The following NREP variants were observed in gnomAD, a reference collection of about 807,000 sequenced individuals.
The protein encoded by NREP is neuronal regeneration-related protein.
A neutral mutation model predicts 8.6 loss-of-function variants in NREP; 5 were observed. The ratio of observed to expected loss-of-function variants is 0.58; its 90% CI spans 0.30 to 1.22. NREP has a LOEUF of 1.22. Ranked by LOEUF, NREP falls within the 50% of genes most tolerant of loss-of-function variation. NREP has a pLI of 0.07. For synonymous variants in NREP, 27 were observed against 28.0 expected, an observed-to-expected ratio of 0.96 and a Z score of 0.11; for missense variants, 86 against 82.5, an observed-to-expected ratio of 1.04 and a Z score of -0.17.
chr5:111,785,057 G>C (rs1751577547), intron 2 of NREP, among the ~76,000 whole-genome samples: 1 of 152,130 alleles, frequency 6.6e-6, no homozygotes, highest in Admixed American at 6.5e-5. Context: ...TTAAAGATGT[G>C]TATGAACTGC....
At chr5:111,931,517 GCAGTCTCTGC>G (rs1383479899) in intron 2 of NREP, among the ~76,000 whole-genome samples, 1 of 152,106 alleles carries the variant, frequency 6.6e-6, no homozygotes, top group African/African-American at 2.4e-5. Flanking sequence ...TCAGATGATT[GCAGTCTCTGC>G]CTACATTCTG....
At chr5:111,802,919 G>T in intron 2 of NREP, among the ~76,000 whole-genome samples, 1 of 152,264 alleles carries the variant, frequency 6.6e-6, no homozygotes, top group Admixed American at 6.5e-5. Flanking sequence ...GAAGCTGAAA[G>T]AGCAGAAGCA....
At chr5:111,835,741 T>C (rs371887424) in intron 2 of NREP, among the ~76,000 whole-genome samples, 31 of 152,202 alleles carry the variant, frequency 2.0e-4, no homozygotes, top group African/African-American at 7.5e-4. Flanking sequence ...CTTCAGGCTT[T>C]TGAGCCTGTT....
chr5:111,936,223 G>C (rs994998140), intron 2 of NREP, among the ~76,000 whole-genome samples: 1 of 152,000 alleles, frequency 6.6e-6, no homozygotes, highest in Non-Finnish European at 1.5e-5. Flanking sequence ...TTGTGTTGAG[G>C]GAGAGACCTG....
chr5:111,930,835 G>A (rs1755516946), intron 2 of NREP, among the ~76,000 whole-genome samples: 1 of 152,140 alleles, frequency 6.6e-6, no homozygotes, highest in South Asian at 2.1e-4. Flanking sequence ...TGTGGTCAAG[G>A]AGTTAAGACA....
At chr5:111,926,882 C>T (rs1418527261) in intron 2 of NREP, among the ~76,000 whole-genome samples, 2 of 151,164 alleles carry the variant, frequency 1.3e-5, no homozygotes, top group Non-Finnish European at 3.0e-5. Context: ...TCTGCCTGAC[C>T]CACTCCTCTA....
At chr5:111,734,106 C>A (rs999904815) in intron 3 of NREP, 1 of 152,268 alleles carries the variant, frequency 6.6e-6, no homozygotes, top group African/African-American at 2.4e-5. Context: ...CACAGCAGGG[C>A]TGGCTTTCTA....
intron 2 of NREP, among the ~76,000 whole-genome samples, chr5:111,799,727 C>G (rs1273494007): frequency 1.3e-5 from 2 of 152,146 alleles, no homozygotes; most frequent in Non-Finnish European, 2.9e-5. Context: ...TAGTTACTTA[C>G]TTATGCGTAC....
chr5:111,882,600 A>T (rs1284186069), intron 2 of NREP, among the ~76,000 whole-genome samples: 1 of 152,244 alleles, frequency 6.6e-6, no homozygotes, highest in East Asian at 1.9e-4. Context: ...GTTACCCACA[A>T]AGGGAAGCCC....
At chr5:111,864,168 G>C (rs1014773587) in intron 2 of NREP, among the ~76,000 whole-genome samples, 3 of 152,122 alleles carry the variant, frequency 2.0e-5, no homozygotes, top group Non-Finnish European at 4.4e-5. Flanking sequence ...ACTGCACCAT[G>C]TTTTGTAAGC....
intron 2 of NREP, among the ~76,000 whole-genome samples, chr5:111,851,494 A>G (rs1055853979): frequency 6.6e-6 from 1 of 152,166 alleles, no homozygotes; most frequent in Admixed American, 6.6e-5. Flanking sequence ...AGAAAGAGAG[A>G]GAGAGACAGA....
At chr5:111,830,115 C>CT (rs1367695197) in intron 2 of NREP, among the ~76,000 whole-genome samples, 1 of 152,134 alleles carries the variant, frequency 6.6e-6, no homozygotes, top group Non-Finnish European at 1.5e-5. Flanking sequence ...CCCAACACAA[C>CT]TTTGTCAACT....
chr5:111,908,284 T>C (rs1328736224), intron 2 of NREP, among the ~76,000 whole-genome samples: 2 of 152,012 alleles, frequency 1.3e-5, no homozygotes, highest in Non-Finnish European at 2.9e-5. Flanking sequence ...TAAGAAATAA[T>C]TTTAACTTTT....
At chr5:111,776,313 G>A (rs1751356293) in intron 2 of NREP, among the ~76,000 whole-genome samples, 1 of 152,044 alleles carries the variant, frequency 6.6e-6, no homozygotes, top group Non-Finnish European at 1.5e-5. Context: ...ATTAAGAGTG[G>A]GCTAGTTTAA....
At position 111,887,149 on chromosome 5, in the gene NREP, C is replaced by G. The variant is rs184057280; in HGVS notation, c.135+88125G>C. On this transcript the variant is annotated intron_variant, in intron 2 of 3. Transcript: ENST00000395634. ...ATATTGCCTAGGCTGGTCTCGAGCT[C>G]TTGGGTTCCAGCAATCTTCCTTCCT... Among the ~76,000 whole-genome samples, 126 of 152,170 alleles carry G rather than the reference C, an allele frequency of 8.3e-4. 2 individuals carry two copies. The highest frequency in any genetic ancestry group is 7.8e-3 in the Admixed American group (119 of 15,280).
chr5:111,775,760 G>A (rs1402498567), intron 2 of NREP, among the ~76,000 whole-genome samples: 2 of 151,960 alleles, frequency 1.3e-5, no homozygotes, highest in Non-Finnish European at 1.5e-5. Context: ...ATCAACAGAG[G>A]GAGAAGACAA....
Position 111,731,966 on chromosome 5 carries a change from C to T in NREP, c.82-920G>A, listed in dbSNP as rs1748629256. ...CATTTACAACAGATAGATTTTATGC[C>T]CTGTACAGGTATGAACACAGTGAAG... is the stretch of plus-strand genomic sequence containing the variant. On this transcript the variant is annotated intron_variant, in intron 3 of 3. Transcript: ENST00000257435. 6 of 152,206 alleles carry T rather than the reference C, an allele frequency of 3.9e-5. No homozygotes were observed. In the South Asian group the frequency reaches 1.2e-3, roughly 32 times the overall value. 9.4% of individuals were successfully genotyped at this position (152,206 alleles called of 1,614,324 possible).
At chr5:111,945,060 A>G (rs1341915467) in intron 2 of NREP, among the ~76,000 whole-genome samples, 1 of 152,038 alleles carries the variant, frequency 6.6e-6, no homozygotes, top group Non-Finnish European at 1.5e-5. Context: ...TTAACATTCT[A>G]AGGTAACAAT....
At chr5:111,839,789 T>C (rs1752980662) in intron 2 of NREP, among the ~76,000 whole-genome samples, 1 of 152,118 alleles carries the variant, frequency 6.6e-6, no homozygotes, top group Non-Finnish European at 1.5e-5. Context: ...GGATAAATTA[T>C]ATGCACAATG....
Sources: allele counts gnomAD v4.1 joint callset (sites outside exome capture counted in the v4.1 genomes callset), GRCh38; gene constraint gnomAD v4.1.1; transcripts MANE v1.5; gene names NCBI Gene and HGNC (gene_info 2026-07-23, HGNC 2026-07-21).